Variants in CAT observed in about 807,000 individuals in gnomAD.
The protein encoded by CAT is epididymis secretory sperm binding protein.
In CAT, 43 loss-of-function variants were observed where a neutral mutation model predicts 59.0. The observed-to-expected ratio is 0.73, with a 90% CI of 0.57 to 0.94. The LOEUF is 0.94. Among genes scored for constraint, CAT ranks in the 40% least tolerant of loss-of-function variants. CAT has a pLI of 0.00. For synonymous variants in CAT, 218 were observed against 230.9 expected, an observed-to-expected ratio of 0.94 and a Z score of 0.51; for missense variants, 664 against 682.9, an observed-to-expected ratio of 0.97 and a Z score of 0.31.
intron 8 of CAT, among the ~76,000 whole-genome samples, chr11:34,459,734 G>A (rs376656644): frequency 4.1e-4 from 63 of 152,328 alleles, no homozygotes; most frequent in African/African-American, 1.4e-3. Flanking sequence ...AAGGTTGCCT[G>A]ATAAACACAG....
rs1158951189 is a variant in CAT at position 34,453,191 on chromosome 11, T to G, written c.582T>G (p.His194Gln). The G allele has an allele frequency of 6.3e-7, 1 of 1,593,866 alleles. No homozygotes were observed. The highest frequency in any genetic ancestry group is 2.2e-5 in the East Asian group (1 of 44,766). The part of the protein sequence containing the change: ...DFWSLRPESL[H>Q]QVSFLFSDRG... ...GGAGCCTACGTCCTGAGTCTCTGCATCAGGTATGAACCCTTTTTTGCCATT... is the reference window on the plus strand; with the variant it reads ...GGAGCCTACGTCCTGAGTCTCTGCAGCAGGTATGAACCCTTTTTTGCCATT... The change falls in exon 5 of 13, where the codon CAT becomes CAG. Residue 194 changes from histidine to glutamine, a missense_variant. Coordinates refer to ENST00000241052, the MANE Select transcript of CAT (RefSeq NM_001752.4).
In CAT at chr11:34,454,546, A is replaced by G. The variant is rs114181932; in HGVS notation, c.711+620A>G. ...AGCAGAAAGAAGTGGGCTCGTGACC[A>G]GTACTGGATAATCTCTCTCTTAGTG... is the stretch of plus-strand genomic sequence containing the variant. On this transcript the variant is annotated intron_variant, in intron 6 of 12. Transcript: ENST00000241052. 4.4e-3 allele frequency among the ~76,000 whole-genome samples: 665 copies of G among 152,322 alleles called. 7 individuals carry two copies. Among genetic ancestry groups the G allele is most frequent in the African/African-American group, 0.015 (632 of 41,578 alleles).
At chr11:34,443,306 G>C (rs987115190) in intron 1 of CAT, among the ~76,000 whole-genome samples, 2 of 152,332 alleles carry the variant, frequency 1.3e-5, no homozygotes, top group South Asian at 2.1e-4. Flanking sequence ...TTTATTGGGC[G>C]TATCTTCTGT....
In CAT at chr11:34,464,161, G is replaced by A. The variant is rs376840225; in HGVS notation, c.1252G>A (p.Ala418Thr). ...TGGTGCTCCGGAACAACAGCCTTCT[G>A]CCCTGGAGCACAGCATCCAATATTC... ...SFGAPEQQPS[A>T]LEHSIQYSGE... Residue 418 changes from alanine to threonine, a missense_variant, in exon 10 of 13, where the codon GCC becomes ACC. Coordinates refer to ENST00000241052, the MANE Select transcript of CAT (RefSeq NM_001752.4). 6.2e-7 allele frequency: 1 copy of A among 1,613,966 alleles called. No homozygotes were observed. Among genetic ancestry groups the A allele is most frequent in the Non-Finnish European group, 8.5e-7 (1 of 1,179,972 alleles).
intron 1 of CAT, among the ~76,000 whole-genome samples, chr11:34,448,311 G>A (rs572880160): frequency 3.3e-5 from 5 of 152,312 alleles, no homozygotes; most frequent in Admixed American, 1.3e-4. Context: ...TGGAGGTGGC[G>A]TAGCTTTGCG....
At chr11:34,454,948 A>C (rs955253742) in intron 6 of CAT, among the ~76,000 whole-genome samples, 1 of 152,188 alleles carries the variant, frequency 6.6e-6, no homozygotes, top group Non-Finnish European at 1.5e-5. Context: ...CAGCTATACA[A>C]GTCCTGGAAA....
At chr11:34,444,822 A>T (rs1331105035) in intron 1 of CAT, among the ~76,000 whole-genome samples, 1 of 152,224 alleles carries the variant, frequency 6.6e-6, no homozygotes, top group East Asian at 1.9e-4. Context: ...GCTCTGGCCA[A>T]AAGAAGCCTA....
At chr11:34,467,149 A>G (rs1856728744) in intron 10 of CAT, among the ~76,000 whole-genome samples, 1 of 152,226 alleles carries the variant, frequency 6.6e-6, no homozygotes, top group South Asian at 2.1e-4. Flanking sequence ...AAAAAGGAAT[A>G]TTATTAAGAC....
Position 34,451,079 on chromosome 11 carries a change from A to C in CAT, c.330A>C (p.Ala110=), listed in dbSNP as rs931713066. ...FEHIGKKTPI[A]VRFSTVAGES... ...ATATTGGAAAGAAGACTCCCATCGC[A>C]GTTCGGTTCTCCACTGTTGGTAAGT... The change falls in exon 3 of 13, where the codon GCA becomes GCC. Residue 110 remains alanine, a synonymous_variant. Coordinates refer to ENST00000241052, the MANE Select transcript of CAT (RefSeq NM_001752.4). 13 of 1,609,580 alleles carry C rather than the reference A, an allele frequency of 8.1e-6. No homozygotes were observed. Among genetic ancestry groups the C allele is most frequent in the Middle Eastern group, 1.6e-4 (1 of 6,076 alleles).
At chr11:34,467,169 T>G (rs567870824) in intron 10 of CAT, among the ~76,000 whole-genome samples, 2 of 152,150 alleles carry the variant, frequency 1.3e-5, no homozygotes, top group South Asian at 2.1e-4. Context: ...CAATAGGATA[T>G]GAGGAGAAAA....
Position 34,461,315 on chromosome 11 carries a change from C to T in CAT, c.1121C>T (p.Pro374Leu), listed in dbSNP as rs781032786. The T allele has an allele frequency of 1.2e-6, 2 of 1,614,190 alleles. No individual in the cohort carries two copies. Among genetic ancestry groups the T allele is most frequent in the East Asian group, 2.2e-5 (1 of 44,884 alleles). ...HRLGPNYLHI[P>L]VNCPYRARVA... ...CTGGGACCCAATTATCTTCATATACCTGTGAACTGTCCCTACCGTGCTCGA... is the reference window on the plus strand; with the variant it reads ...CTGGGACCCAATTATCTTCATATACTTGTGAACTGTCCCTACCGTGCTCGA... The change falls in exon 9 of 13, where the codon CCT becomes CTT. Residue 374 changes from proline (P) to leucine (L), a missense_variant. Coordinates refer to ENST00000241052, the MANE Select transcript of CAT (RefSeq NM_001752.4).
chr11:34,467,511 G>A (rs1856732489), intron 10 of CAT, among the ~76,000 whole-genome samples: 2 of 152,136 alleles, frequency 1.3e-5, no homozygotes, highest in African/African-American at 2.4e-5. Flanking sequence ...TGATACTTTG[G>A]ATAATTGGAT....
chr11:34,443,869 AG>A (rs1431910144), intron 1 of CAT, among the ~76,000 whole-genome samples: 1 of 152,192 alleles, frequency 6.6e-6, no homozygotes, highest in Non-Finnish European at 1.5e-5. Context: ...GGGGTGACTG[AG>A]TGACTTAACC....
chr11:34,446,445 A>G (rs1438495960), intron 1 of CAT, among the ~76,000 whole-genome samples: 1 of 152,216 alleles, frequency 6.6e-6, no homozygotes, highest in Non-Finnish European at 1.5e-5. Flanking sequence ...CCATAATTCC[A>G]GCATTCCCAC....
At chr11:34,445,495 C>CAAAAAAAAAAAAAAAAAAAAAAA (rs58169234) in intron 1 of CAT, among the ~76,000 whole-genome samples, 2 of 36,340 alleles carry the variant, frequency 5.5e-5, no homozygotes, top group African/African-American at 1.2e-4. Context: ...GACTCCATCT[C>CAAAAAAAAAAAAAAAAAAAAAAA]AAAAAAAAAA....
At chr11:34,445,271 C>T (rs58926001) in intron 1 of CAT, among the ~76,000 whole-genome samples, 4 of 151,898 alleles carry the variant, frequency 2.6e-5, no homozygotes, top group African/African-American at 7.3e-5. Flanking sequence ...GGGCGGATTT[C>T]TTGAGGTCAG....
chr11:34,456,124 C>A lies in CAT; in HGVS notation c.825C>A (p.Pro275=), dbSNP rs56323411. 103 of 1,613,970 alleles carry A rather than the reference C, an allele frequency of 6.4e-5. No homozygotes were observed. In the East Asian group the frequency reaches 2.3e-3, roughly 36 times the overall value. Residue 275 remains proline, a synonymous_variant, in exon 7 of 13, where the codon CCC becomes CCA. Coordinates refer to ENST00000241052, the MANE Select transcript of CAT (RefSeq NM_001752.4). ...ACGCCATTGCCACAGGAAAGTACCC[C>A]TCCTGGACTTTTTACATCCAGGTCA... is the stretch of plus-strand genomic sequence containing the variant. ...LFNAIATGKY[P]SWTFYIQVMT... is the part of the protein sequence containing the mutation.
intron 7 of CAT, among the ~76,000 whole-genome samples, 177 bp downstream of exon 7, chr11:34,456,379 C>A (rs1035592749): frequency 6.6e-6 from 1 of 152,156 alleles, no homozygotes; most frequent in Non-Finnish European, 1.5e-5. Context: ...CTTCCACGTT[C>A]CTGTTTGTCA....
intron 4 of CAT, 45 bp from the exon 5 acceptor site, chr11:34,453,045 T>C: frequency 8.7e-7 from 1 of 1,150,648 alleles, no homozygotes; most frequent in Non-Finnish European, 1.3e-6. Context: ...CCATAATTCC[T>C]GTAAACTTAG....
Sources: allele counts gnomAD v4.1 joint callset (sites outside exome capture counted in the v4.1 genomes callset), GRCh38; gene constraint gnomAD v4.1.1; transcripts MANE v1.5; gene names NCBI Gene and HGNC (gene_info 2026-07-23, HGNC 2026-07-21).